Variants in DNAJC6 observed in about 807,000 individuals in gnomAD.
DNAJC6 encodes DnaJ heat shock protein family (Hsp40) member C6.
A neutral mutation model predicts 110.0 loss-of-function variants in DNAJC6; 34 were observed. That is an observed-to-expected ratio of 0.31 (90% CI 0.24 to 0.41). DNAJC6 has a LOEUF of 0.41. DNAJC6 is among the 10% of genes least tolerant of loss of function. DNAJC6 has a pLI of 1.00. For synonymous variants in DNAJC6, 406 were observed against 437.2 expected, an observed-to-expected ratio of 0.93 and a Z score of 0.89; for missense variants, 1,031 against 1,207.8, an observed-to-expected ratio of 0.85 and a Z score of 2.17.
rs141148544 is a variant in DNAJC6, at chr1:65,366,304, T to C, written c.543+108T>C. 1,012 of 1,217,240 alleles carry C rather than the reference T, an allele frequency of 8.3e-4. 8 individuals carry two copies. The African/African-American group carries it at 0.014, about 16-fold the overall frequency. The allele number at this position is 1,217,240 out of a possible 1,614,324, so 75.4% of individuals were successfully genotyped here. On this transcript the variant is annotated intron_variant, in intron 4 of 18. Coordinates refer to ENST00000371069, the MANE Select transcript of DNAJC6 (RefSeq NM_001256864.2). ...CCTTAGGCATCTGAAGCTGAAAAAC[T>C]ATACACTCTGGACACTTCTGTTCAC...
intron 17 of DNAJC6, 47 bp downstream of exon 17, chr1:65,408,830 CAT>C: frequency 6.3e-7 from 1 of 1,596,556 alleles, no homozygotes; most frequent in Non-Finnish European, 8.5e-7. Flanking sequence ...ATGACAAAGT[CAT>C]GTGATAAAGT....
intron 13 of DNAJC6, among the ~76,000 whole-genome samples, chr1:65,397,550 T>G (rs1645991198): frequency 6.6e-6 from 1 of 152,214 alleles, no homozygotes; most frequent in African/African-American, 2.4e-5. Context: ...TCTTTCAGTC[T>G]CTGTCCCCTG....
At chr1:65,309,994 C>A in intron 1 of DNAJC6, 56 bp downstream of exon 1, 1 of 1,378,724 alleles carries the variant, frequency 7.3e-7, no homozygotes, top group Non-Finnish European at 9.3e-7. Context: ...CCGGAGCCTC[C>A]CAGTCGCCCG....
chr1:65,300,324 C>A lies in DNAJC6; in HGVS notation c.-131+35392C>A, dbSNP rs2101276909. Among the ~76,000 whole-genome samples, 3 of 152,244 alleles carry A rather than the reference C, an allele frequency of 2.0e-5. No homozygotes were observed. In the South Asian group the frequency reaches 6.2e-4, roughly 32 times the overall value. On this transcript the variant is annotated intron_variant, in intron 1 of 19. Coordinates refer to the DNAJC6 transcript ENST00000263441. ...CTCATGGTCCAAGTACCTGCTGGAG[C>A]TCCATATTCCAACTAGAAGAAAGGG...
intron 1 of DNAJC6, among the ~76,000 whole-genome samples, chr1:65,299,468 C>G (rs1644957375): frequency 6.6e-6 from 1 of 152,174 alleles, no homozygotes; most frequent in Admixed American, 6.5e-5. Flanking sequence ...GAAAGGCAGT[C>G]TCTGGATAGC....
At position 65,414,508 on chromosome 1, in the gene DNAJC6, T is replaced by C. The variant is rs1425622200; in HGVS notation, c.*1483T>C. 1 of 152,644 alleles carries C rather than the reference T, an allele frequency of 6.6e-6. No individual in the cohort carries two copies. The highest frequency in any genetic ancestry group is 1.5e-5 in the Non-Finnish European group (1 of 68,024). 9.5% of individuals were successfully genotyped at this position (152,644 alleles called of 1,614,324 possible). A position where few individuals can be genotyped will look rare whatever the true frequency, so the allele number is the denominator to read the frequency against. On this transcript the variant is annotated 3_prime_UTR_variant, in exon 19 of 19. Transcript: ENST00000371069. ...AAAAGACAATCATTTTTTGTTTTTG[T>C]TTTAACTTTCTTGTGGCAAGCTATA...
intron 1 of DNAJC6, among the ~76,000 whole-genome samples, chr1:65,292,476 G>T (rs1644889007): frequency 1.3e-5 from 2 of 151,886 alleles, no homozygotes; most frequent in Admixed American, 1.3e-4. Context: ...TATTGCCTAG[G>T]CTGGGGTGCA....
intron 1 of DNAJC6, among the ~76,000 whole-genome samples, chr1:65,269,126 T>C (rs1208636034): frequency 1.3e-5 from 2 of 152,118 alleles, no homozygotes; most frequent in Non-Finnish European, 1.5e-5. Context: ...CCCAACACTT[T>C]GGGAGGCTGA....
chr1:65,343,164 T>C (rs1464430284), intron 1 of DNAJC6, among the ~76,000 whole-genome samples: 2 of 152,208 alleles, frequency 1.3e-5, no homozygotes, highest in East Asian at 1.9e-4. Flanking sequence ...GTATGTACCA[T>C]TGCCACTGCC....
rs368276625 is a variant in DNAJC6 at position 65,389,562 on chromosome 1, A to T, written c.1403A>T (p.Asp468Val). 2 of 1,614,196 alleles carry T rather than the reference A, an allele frequency of 1.2e-6. No individual in the cohort carries two copies. The highest frequency in any genetic ancestry group is 2.7e-5 in the African/African-American group (2 of 75,038). Reference sequence around the variant, plus strand: ...TGTCTTGCAGGACAGGCTCCAATAGATATCCCTCCAGACAACCCCAGGCAT... The same window carrying T: ...TGTCTTGCAGGACAGGCTCCAATAGTTATCCCTCCAGACAACCCCAGGCAT... ...TLALGGQAPI[D>V]IPPDNPRHYG... The change falls in exon 11 of 19, where the codon GAT (aspartate) becomes GTT (valine). Residue 468 changes from aspartate (D) to valine (V), a missense_variant. Coordinates refer to ENST00000371069, the MANE Select transcript of DNAJC6 (RefSeq NM_001256864.2).
chr1:65,407,473 G>A (rs1264046869), intron 16 of DNAJC6, among the ~76,000 whole-genome samples: 1 of 152,090 alleles, frequency 6.6e-6, no homozygotes, highest in African/African-American at 2.4e-5. Context: ...GCCAGGATTC[G>A]AACCCTGGCA....
intron 1 of DNAJC6, among the ~76,000 whole-genome samples, chr1:65,335,383 C>T (rs187218986): frequency 6.5e-4 from 99 of 151,648 alleles, no homozygotes; most frequent in African/African-American, 1.8e-3. Flanking sequence ...CAAAGTGCTG[C>T]GATTACAGGC....
chr1:65,294,555 T>C (rs1180288143), intron 1 of DNAJC6, among the ~76,000 whole-genome samples: 1 of 152,226 alleles, frequency 6.6e-6, no homozygotes, highest in African/African-American at 2.4e-5. Context: ...TAAGTGGCTA[T>C]TGAGCATTTG....
chr1:65,327,634 A>G (rs1325433269), intron 1 of DNAJC6, among the ~76,000 whole-genome samples: 1 of 152,218 alleles, frequency 6.6e-6, no homozygotes, highest in African/African-American at 2.4e-5. Flanking sequence ...GATTTCTACC[A>G]TCCATTCTAA....
Position 65,365,951 on chromosome 1 carries a change from T to C in DNAJC6, c.394+17T>C. On this transcript the variant is annotated intron_variant, in intron 3 of 18. Coordinates refer to ENST00000371069, the MANE Select transcript of DNAJC6 (RefSeq NM_001256864.2). ...GAATTATTGGTAAGTTTCTCATGTTTATTAACAGTCCTTTGGCTCAGTTTC... is the reference window on the plus strand; with the variant it reads ...GAATTATTGGTAAGTTTCTCATGTTCATTAACAGTCCTTTGGCTCAGTTTC... The C allele has an allele frequency of 1.9e-6, 3 of 1,613,522 alleles. No individual in the cohort carries two copies. Among genetic ancestry groups the C allele is most frequent in the Non-Finnish European group, 1.7e-6 (2 of 1,179,640 alleles).
chr1:65,361,633 AG>A (rs1419971025), intron 1 of DNAJC6, among the ~76,000 whole-genome samples: 1 of 152,234 alleles, frequency 6.6e-6, no homozygotes, highest in Non-Finnish European at 1.5e-5. Flanking sequence ...AAAATGTAAA[AG>A]TCTGACAATA....
chr1:65,391,782 A>T (rs1645929185), intron 11 of DNAJC6, among the ~76,000 whole-genome samples: 1 of 152,058 alleles, frequency 6.6e-6, no homozygotes, highest in Admixed American at 6.5e-5. Context: ...TGAGTTAGGT[A>T]CTATTTATTT....
At chr1:65,315,203 G>A (rs79674833) in intron 1 of DNAJC6, among the ~76,000 whole-genome samples, 101 of 151,906 alleles carry the variant, frequency 6.6e-4, no homozygotes, top group African/African-American at 2.2e-3. Flanking sequence ...CTCTTTTCTA[G>A]GCCAATCAAA....
intron 5 of DNAJC6, among the ~76,000 whole-genome samples, chr1:65,382,731 A>ATTTATTATTATT (rs1645833790): frequency 6.6e-6 from 1 of 152,252 alleles, no homozygotes; most frequent in African/African-American, 2.4e-5. Context: ...TAATAAAAGC[A>ATTTATTATTATT]TAGTGTCCAG....
Sources: allele counts gnomAD v4.1 joint callset (sites outside exome capture counted in the v4.1 genomes callset), GRCh38; gene constraint gnomAD v4.1.1; transcripts MANE v1.5; gene names NCBI Gene and HGNC (gene_info 2026-07-23, HGNC 2026-07-21).